The following VTI1A variants were observed in gnomAD, a reference collection of about 807,000 sequenced individuals.
VTI1A encodes the protein vesicle transport through interaction with t-SNAREs homolog 1A.
VTI1A carries 22 observed loss-of-function variants against 34.9 expected under a neutral mutation model. The observed-to-expected ratio is 0.63, with a 90% CI of 0.45 to 0.90. VTI1A has a LOEUF of 0.90. Among genes scored for constraint, VTI1A ranks in the 40% least tolerant of loss-of-function variants. VTI1A has a pLI of 0.00. For missense variants in VTI1A, 268 were observed against 275.6 expected (o/e 0.97, Z 0.20); for synonymous variants, 87 against 97.3 (o/e 0.89, Z 0.62).
chr10:112,797,809 A>G (rs1486355910), intron 7 of VTI1A, among the ~76,000 whole-genome samples: 2 of 152,208 alleles, frequency 1.3e-5, no homozygotes, highest in African/African-American at 2.4e-5. Flanking sequence ...AAGATTGAAT[A>G]TTTACAAAAG....
At chr10:112,645,545 C>T (rs1000006285) in intron 5 of VTI1A, among the ~76,000 whole-genome samples, 1 of 152,212 alleles carries the variant, frequency 6.6e-6, no homozygotes, top group African/African-American at 2.4e-5. Context: ...TGGTCTTGAA[C>T]TTCCTGCTTG....
chr10:112,687,270 G>A (rs1159349396), intron 7 of VTI1A, among the ~76,000 whole-genome samples: 1 of 97,580 alleles, frequency 1.0e-5, no homozygotes, highest in Non-Finnish European at 1.9e-5. Flanking sequence ...GTTTTGCTCT[G>A]TCTCCCAGGC....
At chr10:112,741,547 C>A (rs1334883142) in intron 7 of VTI1A, among the ~76,000 whole-genome samples, 1 of 152,132 alleles carries the variant, frequency 6.6e-6, no homozygotes, top group African/African-American at 2.4e-5. Context: ...AGTGAACACA[C>A]TAAAAATTCT....
intron 7 of VTI1A, among the ~76,000 whole-genome samples, chr10:112,768,446 G>A (rs1015840052): frequency 1.3e-5 from 2 of 152,208 alleles, no homozygotes; most frequent in Admixed American, 1.3e-4. Flanking sequence ...TGGAGCAACT[G>A]CTGCGGTCCA....
At chr10:112,494,065 C>G (rs1389848312) in intron 3 of VTI1A, among the ~76,000 whole-genome samples, 2 of 152,078 alleles carry the variant, frequency 1.3e-5, no homozygotes, top group African/African-American at 4.8e-5. Flanking sequence ...ATAGAAAATT[C>G]ATCAGTGAAG....
chr10:112,613,867 A>C (rs1159350080), intron 5 of VTI1A, among the ~76,000 whole-genome samples: 2 of 152,194 alleles, frequency 1.3e-5, no homozygotes, highest in Admixed American at 6.5e-5. Context: ...TGTACATGCG[A>C]GTCTGTCATG....
the VTI1A span, among the ~76,000 whole-genome samples, chr10:112,847,616 G>C: frequency 1.3e-5 from 2 of 152,118 alleles, no homozygotes; most frequent in Non-Finnish European, 2.9e-5. Context: ...GGCTCTAAAG[G>C]CTACATTCTA....
intron 5 of VTI1A, 78 bp from the exon 6 acceptor site, chr10:112,668,140 G>C (rs944876134): frequency 8.5e-7 from 1 of 1,171,062 alleles, no homozygotes; most frequent in Non-Finnish European, 1.3e-6. Flanking sequence ...AACATTTTAT[G>C]CCATTTTAGT....
At chr10:112,669,738 GGCTT>G (rs1433676711) in intron 7 of VTI1A, among the ~76,000 whole-genome samples, 46 of 152,082 alleles carry the variant, frequency 3.0e-4, no homozygotes, top group Admixed American at 3.0e-3. Context: ...CCTCTGGAAT[GGCTT>G]AACTGGAATT....
At chr10:112,536,203 T>G (rs956425144) in intron 4 of VTI1A, among the ~76,000 whole-genome samples, 48 of 151,220 alleles carry the variant, frequency 3.2e-4, no homozygotes, top group African/African-American at 1.1e-3. Context: ...ATTTTGGGAT[T>G]TCATCCAATA....
chr10:112,465,918 A>G lies in VTI1A; in HGVS notation c.264+1261A>G, dbSNP rs527423244. 1.1e-4 allele frequency among the ~76,000 whole-genome samples: 16 copies of G among 152,360 alleles called. No individual in the cohort carries two copies. The South Asian group carries it at 3.3e-3, about 32-fold the overall frequency. ...AAAGATACAGATAAAAAGTATTTTA[A>G]AAACCCTGCTAATGATAAAAGAACA... On this transcript the variant is annotated intron_variant, in intron 3 of 7. Transcript: ENST00000393077.
At chr10:112,630,298 G>A (rs190119728) in intron 5 of VTI1A, among the ~76,000 whole-genome samples, 3 of 152,302 alleles carry the variant, frequency 2.0e-5, no homozygotes, top group Admixed American at 2.0e-4. Context: ...CTTTCCTGGA[G>A]CCAAATGTGT....
intron 3 of VTI1A, among the ~76,000 whole-genome samples, chr10:112,510,167 G>C (rs1849557715): frequency 6.6e-6 from 1 of 152,158 alleles, no homozygotes; most frequent in Admixed American, 6.5e-5. Flanking sequence ...TTCTCTTCAA[G>C]AACATTTGAC....
chr10:112,834,255 T>C, the VTI1A span, among the ~76,000 whole-genome samples: 1 of 152,146 alleles, frequency 6.6e-6, no homozygotes, highest in African/African-American at 2.4e-5. Flanking sequence ...GGTCTGTTCA[T>C]GAGACATTAC....
At chr10:112,751,951 T>C (rs1461458741) in intron 7 of VTI1A, among the ~76,000 whole-genome samples, 1 of 152,204 alleles carries the variant, frequency 6.6e-6, no homozygotes, top group Non-Finnish European at 1.5e-5. Context: ...CATTCTCTAA[T>C]AGCTACAACT....
At chr10:112,644,743 G>C (rs1846706201) in intron 5 of VTI1A, among the ~76,000 whole-genome samples, 1 of 152,130 alleles carries the variant, frequency 6.6e-6, no homozygotes, top group African/African-American at 2.4e-5. Context: ...AAATTACTGA[G>C]ACATTGACAT....
intron 5 of VTI1A, among the ~76,000 whole-genome samples, chr10:112,619,840 A>G (rs7081728): frequency 0.79 from 120,432 of 152,130 alleles, 48,627 homozygotes; most frequent in African/African-American, 0.93. Context: ...GGGATCAGGA[A>G]GGGAGGATGG....
intron 5 of VTI1A, among the ~76,000 whole-genome samples, chr10:112,630,871 C>T (rs1172607083): frequency 6.6e-6 from 1 of 152,126 alleles, no homozygotes. Flanking sequence ...CCTGTAATCC[C>T]AGCACTTTGG....
At chr10:112,592,177 A>T (rs2120931) in intron 5 of VTI1A, among the ~76,000 whole-genome samples, 125,744 of 152,160 alleles carry the variant, frequency 0.83, 52,695 homozygotes, top group African/African-American at 0.94. Flanking sequence ...CCCCACAACC[A>T]CTGGAAATGA....
Sources: gnomAD v4.1 joint callset for allele counts (sites outside exome capture counted in the v4.1 genomes callset) on GRCh38, gnomAD v4.1.1 for gene constraint, MANE v1.5 for transcripts, NCBI Gene and HGNC (gene_info 2026-07-23, HGNC 2026-07-21) for gene names.